The following TBC1D1 variants were observed in gnomAD, a reference collection of about 807,000 sequenced individuals.
TBC1D1 encodes the protein TBC1 (tre-2/USP6, BUB2, cdc16) domain family, member 1.
Under a neutral mutation model 125.6 loss-of-function variants are expected in TBC1D1, and 89 were observed. The ratio of observed to expected loss-of-function variants is 0.71; its 90% confidence interval spans 0.60 to 0.85. The LOEUF is 0.85. Among genes scored for constraint, TBC1D1 ranks in the 40% least tolerant of loss-of-function variants. The pLI is 0.00. For missense variants in TBC1D1, 1,377 were observed against 1,469.2 expected (o/e 0.94, Z 1.03); for synonymous variants, 565 against 564.1 (o/e 1.00, Z -0.02).
intron 2 of TBC1D1, among the ~76,000 whole-genome samples, chr4:38,005,500 C>A (rs1739955810): frequency 6.6e-6 from 1 of 152,142 alleles, no homozygotes; most frequent in Non-Finnish European, 1.5e-5. Flanking sequence ...GTGTTTATGT[C>A]TGGGTGTGCT....
chr4:38,020,710 G>C lies in TBC1D1; in HGVS notation c.1077+15G>C, dbSNP rs1743837172. ...ATGAGGCTCTGGTGAGAGAGGACAA[G>C]CAATTCTTACCTTGGAACCTTCTTT... On this transcript the variant is annotated intron_variant, in intron 5 of 19. Coordinates refer to ENST00000261439, the MANE Select transcript of TBC1D1 (RefSeq NM_015173.4). 1.9e-6 allele frequency: 3 copies of C among 1,606,480 alleles called. No individual in the cohort carries two copies. The highest frequency in any genetic ancestry group is 2.6e-6 in the Non-Finnish European group (3 of 1,174,158).
At chr4:37,920,920 C>A (rs1720812577) in intron 2 of TBC1D1, among the ~76,000 whole-genome samples, 1 of 152,020 alleles carries the variant, frequency 6.6e-6, no homozygotes, top group Non-Finnish European at 1.5e-5. Flanking sequence ...ACCATCCTGG[C>A]TAACACGGTG....
chr4:38,028,152 A>T (rs1578333795), intron 7 of TBC1D1, among the ~76,000 whole-genome samples: 1 of 152,088 alleles, frequency 6.6e-6, no homozygotes, highest in East Asian at 1.9e-4. Context: ...CAAAAAAAAA[A>T]ATCTCATAAT....
At chr4:37,926,518 G>A (rs1486518576) in intron 2 of TBC1D1, among the ~76,000 whole-genome samples, 1 of 152,198 alleles carries the variant, frequency 6.6e-6, no homozygotes, top group Non-Finnish European at 1.5e-5. Flanking sequence ...AATGATCCTG[G>A]CTCTGCCTTT....
At chr4:38,058,718 C>A (rs1170771857) in intron 12 of TBC1D1, among the ~76,000 whole-genome samples, 2 of 152,076 alleles carry the variant, frequency 1.3e-5, no homozygotes, top group Non-Finnish European at 2.9e-5. Context: ...TCCATGTCAT[C>A]CCACTTGGAA....
intron 12 of TBC1D1, among the ~76,000 whole-genome samples, chr4:38,088,175 G>A (rs1162484807): frequency 2.5e-4 from 38 of 151,884 alleles, no homozygotes; most frequent in Admixed American, 2.4e-3. Context: ...AGAAAGGAAA[G>A]GGCTCAAATT....
intron 1 of TBC1D1, among the ~76,000 whole-genome samples, chr4:37,895,984 T>C (rs1714483527): frequency 1.3e-5 from 2 of 152,170 alleles, no homozygotes; most frequent in South Asian, 4.1e-4. Context: ...GCCTACTGCA[T>C]GGGATTAGAG....
At chr4:38,087,265 T>G (rs1313660262) in intron 12 of TBC1D1, among the ~76,000 whole-genome samples, 2 of 152,208 alleles carry the variant, frequency 1.3e-5, no homozygotes, top group African/African-American at 4.8e-5. Context: ...CTCTGAATAC[T>G]AAAATAAAAC....
intron 2 of TBC1D1, among the ~76,000 whole-genome samples, chr4:37,976,986 C>A (rs1236233203): frequency 6.6e-6 from 1 of 152,172 alleles, no homozygotes; most frequent in Non-Finnish European, 1.5e-5. Flanking sequence ...GTGGGGGTCA[C>A]CCCTGGAAAG....
chr4:38,014,670 C>T lies in TBC1D1; in HGVS notation c.579C>T (p.Ile193=). 1.9e-6 allele frequency: 3 copies of T among 1,613,236 alleles called. No individual in the cohort carries two copies. The South Asian group carries it at 3.3e-5, about 18-fold the overall frequency. The change falls in exon 3 of 20, where the codon ATC becomes ATT. Residue 193 remains isoleucine (I), a synonymous_variant. Coordinates refer to ENST00000261439, the MANE Select transcript of TBC1D1 (RefSeq NM_015173.4). The surrounding 1 kb of genome is among the most constrained non-coding windows in gnomAD (Gnocchi z 5.1). ...ACAAGAAGGCTCCGCCGGCCCTGAT[C>T]GACGAGTGCATCGAGAAGTTCAATC...
intron 2 of TBC1D1, among the ~76,000 whole-genome samples, chr4:37,951,757 C>G (rs1324772656): frequency 8.5e-5 from 13 of 152,168 alleles, no homozygotes; most frequent in African/African-American, 3.1e-4. Flanking sequence ...CAGTGAAACA[C>G]TTAGGATCTA....
chr4:38,021,581 A>G lies in TBC1D1; in HGVS notation c.1078-5A>G, dbSNP rs377622880. 3.9e-6 allele frequency: 6 copies of G among 1,529,814 alleles called. No homozygotes were observed. Among genetic ancestry groups the G allele is most frequent in the African/African-American group, 1.4e-5 (1 of 70,978 alleles). The allele number at this position is 1,529,814 out of a possible 1,614,324, so 94.8% of individuals were successfully genotyped here. A position where few individuals can be genotyped will look rare whatever the true frequency, so the allele number is the denominator to read the frequency against. On this transcript the variant is annotated splice_polypyrimidine_tract_variant and splice_region_variant and intron_variant, in intron 5 of 19. Coordinates refer to ENST00000261439, the MANE Select transcript of TBC1D1 (RefSeq NM_015173.4). The stretch of plus-strand genomic sequence containing the variant: ...GTGACTACAACTTCTCTTCTCTTTG[A>G]TTAGGTTGATGAAATTATGATGACC...
At chr4:38,021,095 C>A (rs1446375724) in intron 5 of TBC1D1, among the ~76,000 whole-genome samples, 2 of 152,182 alleles carry the variant, frequency 1.3e-5, no homozygotes, top group Non-Finnish European at 2.9e-5. Flanking sequence ...ACTCATAGTT[C>A]CACATGGCCA....
chr4:38,019,253 C>G (rs1312862980), intron 4 of TBC1D1, among the ~76,000 whole-genome samples: 1 of 151,864 alleles, frequency 6.6e-6, no homozygotes, highest in African/African-American at 2.4e-5. Flanking sequence ...ATGTGATCTA[C>G]TTAAATATTC....
chr4:37,950,447 C>CTTAAA (rs1727593468), intron 2 of TBC1D1, among the ~76,000 whole-genome samples: 1 of 130,322 alleles, frequency 7.7e-6, no homozygotes, highest in Non-Finnish European at 1.7e-5. Flanking sequence ...GCCGTCTTTG[C>CTTAAA]AAAAAAAAAA....
At chr4:37,973,214 G>T (rs1314743049) in intron 2 of TBC1D1, among the ~76,000 whole-genome samples, 1 of 152,150 alleles carries the variant, frequency 6.6e-6, no homozygotes. Context: ...AAAGACCCCT[G>T]TGTGCCTAAA....
Position 37,947,886 on chromosome 4 carries a change from A to G in TBC1D1, c.417+45374A>G, listed in dbSNP as rs1012943606. The stretch of plus-strand genomic sequence containing the variant: ...AAAACACAAGTGGACAGTTCATTGT[A>G]AAAAAAAAAAAGTTAAAACAAAGGT... On this transcript the variant is annotated intron_variant, in intron 2 of 19. Coordinates refer to ENST00000261439, the MANE Select transcript of TBC1D1 (RefSeq NM_015173.4). Among the ~76,000 whole-genome samples the G allele has an allele frequency of 4.2e-5, 6 of 142,046 alleles. No homozygotes were observed. In the East Asian group the frequency reaches 8.0e-4, roughly 19 times the overall value. The allele number at this position is 142,046 out of a possible 152,430, so 93.2% of individuals were successfully genotyped here.
intron 2 of TBC1D1, among the ~76,000 whole-genome samples, chr4:37,915,032 A>T (rs928890589): frequency 2.0e-5 from 3 of 152,234 alleles, no homozygotes; most frequent in Non-Finnish European, 4.4e-5. Flanking sequence ...ATATGCTTCC[A>T]TGTTAACCAC....
chr4:37,900,595 C>T (rs73810026), intron 1 of TBC1D1, among the ~76,000 whole-genome samples: 5,243 of 152,166 alleles, frequency 0.034, 290 homozygotes, highest in African/African-American at 0.12. Context: ...ACCTTAGCAT[C>T]TGTCCATATG....
Sources: allele counts gnomAD v4.1 joint callset (sites outside exome capture counted in the v4.1 genomes callset), GRCh38; gene constraint gnomAD v4.1.1; non-coding constraint Gnocchi (gnomAD v3.1); transcripts MANE v1.5; gene names NCBI Gene and HGNC (gene_info 2026-07-23, HGNC 2026-07-21).